The following NMBR variants were observed in gnomAD, a reference collection of about 807,000 sequenced individuals.
NMBR encodes the protein neuromedin B receptor, also known as neuromedin-B receptor.
A neutral mutation model predicts 20.5 loss-of-function variants in NMBR; 16 were observed. The observed-to-expected ratio is 0.78, with a 90% CI of 0.53 to 1.19. NMBR has a LOEUF of 1.19. Among genes scored for constraint, NMBR ranks in the 50% most tolerant of loss-of-function variants. The pLI, the probability that NMBR is intolerant of heterozygous loss-of-function variation, is 0.00. For missense variants in NMBR, 582 were observed against 499.1 expected, an observed-to-expected ratio of 1.17 and a Z score of -1.58; for synonymous variants, 212 against 196.6, an observed-to-expected ratio of 1.08 and a Z score of -0.65.
rs1777068094 is a variant in NMBR, at chr6:142,080,282, T to A, written c.423-1379A>T. 3.3e-5 allele frequency among the ~76,000 whole-genome samples: 5 copies of A among 151,796 alleles called. No individual in the cohort carries two copies. In the South Asian group the frequency reaches 1.0e-3, roughly 31 times the overall value. On this transcript the variant is annotated intron_variant, in intron 2 of 3. Transcript: ENST00000258042. ...TCTTTTTTATAGTGTCCTATTCCTA[T>A]GTTATATGTGCACATTCTTGCCCTA...
chr6:142,123,008 G>A (rs1777971780), intron 1 of NMBR, among the ~76,000 whole-genome samples: 1 of 151,792 alleles, frequency 6.6e-6, no homozygotes, highest in South Asian at 2.1e-4. Flanking sequence ...ATTATATAAG[G>A]AATACATTTC....
rs551969613 is a variant in NMBR, at chr6:142,108,020, T to C, written c.-663-18699A>G. Among the ~76,000 whole-genome samples the C allele has an allele frequency of 2.0e-5, 3 of 151,948 alleles. No individual in the cohort carries two copies. The East Asian group carries it at 5.8e-4, about 29-fold the overall frequency. ...ATTAAAGATAGATTGACAGAGATTA[T>C]ATAATCTGAAAAACAGAGAAGGAAA... On this transcript the variant is annotated intron_variant, in intron 1 of 3. Coordinates refer to ENST00000258042, the MANE Select transcript of NMBR (RefSeq NM_002511.4).
At chr6:142,122,277 G>A (rs1294130246) in intron 1 of NMBR, among the ~76,000 whole-genome samples, 1 of 151,938 alleles carries the variant, frequency 6.6e-6, no homozygotes, top group African/African-American at 2.4e-5. Flanking sequence ...GTCCTATGAA[G>A]GCTAAGAGAG....
At chr6:142,130,670 G>T (rs111929182) in intron 1 of NMBR, among the ~76,000 whole-genome samples, 54 of 152,178 alleles carry the variant, frequency 3.5e-4, no homozygotes, top group African/African-American at 1.3e-3. Flanking sequence ...GCCAGATATT[G>T]GTCAAATTAT....
intron 1 of NMBR, among the ~76,000 whole-genome samples, chr6:142,143,195 T>C (rs115430858): frequency 1.3e-5 from 2 of 152,304 alleles, no homozygotes; most frequent in Non-Finnish European, 2.9e-5. Flanking sequence ...ATGAAATGCA[T>C]AGTGATAAAT....
rs550777197 is a variant in NMBR, at chr6:142,121,585, A to G, written c.-664+25459T>C. On this transcript the variant is annotated intron_variant, in intron 1 of 3. Transcript: ENST00000258042. ...TGGATAGAAGATCAAACTGTAACTCAGTAGCTTAGCTTCAAAACACATTTT... is the reference window on the plus strand; with the variant it reads ...TGGATAGAAGATCAAACTGTAACTCGGTAGCTTAGCTTCAAAACACATTTT... 5.3e-5 allele frequency among the ~76,000 whole-genome samples: 8 copies of G among 152,076 alleles called. No individual in the cohort carries two copies. The South Asian group carries it at 1.7e-3, about 32-fold the overall frequency.
At chr6:142,087,961 G>A (rs1192840240) in intron 2 of NMBR, among the ~76,000 whole-genome samples, 1 of 152,146 alleles carries the variant, frequency 6.6e-6, no homozygotes, top group Non-Finnish European at 1.5e-5. Context: ...TATTCCCTAA[G>A]TGTCGGAGGT....
At chr6:142,079,524 C>A (rs1777049838) in intron 2 of NMBR, among the ~76,000 whole-genome samples, 1 of 152,092 alleles carries the variant, frequency 6.6e-6, no homozygotes, top group African/African-American at 2.4e-5. Context: ...GTATTGAATA[C>A]CAAATATAAG....
At chr6:142,133,288 A>C (rs1333899961) in intron 1 of NMBR, 5 of 520,346 alleles carry the variant, frequency 9.6e-6, no homozygotes, top group Admixed American at 6.2e-5. Context: ...TAAATTCTCT[A>C]CATCTATGGA....
At chr6:142,097,648 A>G (rs1464697088) in intron 1 of NMBR, among the ~76,000 whole-genome samples, 2 of 152,124 alleles carry the variant, frequency 1.3e-5, no homozygotes, top group Non-Finnish European at 2.9e-5. Context: ...AGGTAAAATT[A>G]AAATATCTGG....
At chr6:142,121,009 GCTCATTTTGTGT>G (rs1777936258) in intron 1 of NMBR, among the ~76,000 whole-genome samples, 1 of 151,894 alleles carries the variant, frequency 6.6e-6, no homozygotes. Context: ...AATGGCATGT[GCTCATTTTGTGT>G]CTCTGTATCA....
At chr6:142,121,307 G>A (rs144574479) in intron 1 of NMBR, among the ~76,000 whole-genome samples, 7 of 151,760 alleles carry the variant, frequency 4.6e-5, no homozygotes, top group African/African-American at 9.7e-5. Flanking sequence ...CCCAACAAAG[G>A]CCTCTAAGTG....
chr6:142,142,455 T>C (rs1292537032), intron 1 of NMBR, among the ~76,000 whole-genome samples: 1 of 152,140 alleles, frequency 6.6e-6, no homozygotes, highest in Non-Finnish European at 1.5e-5. Context: ...AAAAGTTATA[T>C]TATAAACACC....
chr6:142,094,638 T>C (rs1261829711), intron 1 of NMBR, among the ~76,000 whole-genome samples: 1 of 152,196 alleles, frequency 6.6e-6, no homozygotes, highest in Admixed American at 6.5e-5. Flanking sequence ...ATGCGGGCTC[T>C]TTTTTGGTTC....
At chr6:142,079,147 G>GA (rs879683798) in intron 2 of NMBR, among the ~76,000 whole-genome samples, 8,027 of 86,388 alleles carry the variant, frequency 0.093, 366 homozygotes, top group Admixed American at 0.2. Flanking sequence ...GAAAGAAAAA[G>GA]AAGAGAGGAG....
At chr6:142,105,193 A>C (rs1291856588) in intron 1 of NMBR, among the ~76,000 whole-genome samples, 1 of 152,146 alleles carries the variant, frequency 6.6e-6, no homozygotes, top group Admixed American at 6.6e-5. Context: ...TGGGGCAGGA[A>C]CAGATCACAA....
chr6:142,122,258 G>A (rs544760990), intron 1 of NMBR, among the ~76,000 whole-genome samples: 16 of 151,986 alleles, frequency 1.1e-4, no homozygotes, highest in African/African-American at 2.9e-4. Flanking sequence ...GAAAAATACC[G>A]TCTCTTCAGT....
intron 1 of NMBR, among the ~76,000 whole-genome samples, chr6:142,130,853 A>G (rs1778128402): frequency 1.3e-5 from 2 of 152,186 alleles, no homozygotes; most frequent in African/African-American, 4.8e-5. Context: ...AACCACTTCC[A>G]TTAAGCAGAA....
intron 1 of NMBR, among the ~76,000 whole-genome samples, chr6:142,100,319 T>C (rs966255083): frequency 6.6e-6 from 1 of 152,202 alleles, no homozygotes; most frequent in Non-Finnish European, 1.5e-5. Flanking sequence ...TGTCCTTTAG[T>C]AGGTGAATGA....
Sources: gnomAD v4.1 joint callset for allele counts (sites outside exome capture counted in the v4.1 genomes callset) on GRCh38, gnomAD v4.1.1 for gene constraint, MANE v1.5 for transcripts, NCBI Gene and HGNC (gene_info 2026-07-23, HGNC 2026-07-21) for gene names.